The following NRXN3 variants were observed in gnomAD, a reference collection of about 807,000 sequenced individuals.
NRXN3 encodes the protein neurexin 3.
Under a neutral mutation model 137.6 loss-of-function variants are expected in NRXN3, and 32 were observed. The observed-to-expected ratio is 0.23, with a 90% CI of 0.18 to 0.31. The LOEUF (loss-of-function observed/expected upper bound fraction) is 0.31, where lower values mean the gene tolerates loss of function less well. Ranked by LOEUF, NRXN3 falls within the 10% of genes least tolerant of loss-of-function variation. NRXN3 has a pLI of 1.00. For missense variants in NRXN3, 1,574 were observed against 2,062.5 expected (o/e 0.76, Z 4.59); for synonymous variants, 798 against 784.5 (o/e 1.02, Z -0.29).
intron 3 of NRXN3, among the ~76,000 whole-genome samples, chr14:78,295,546 A>T (rs533839364): frequency 5.3e-4 from 81 of 152,294 alleles, no homozygotes; most frequent in African/African-American, 1.9e-3. Flanking sequence ...TAGTGCATTT[A>T]TTATATGATT....
At chr14:79,228,266 C>T (rs901854650) in intron 15 of NRXN3, among the ~76,000 whole-genome samples, 2 of 151,916 alleles carry the variant, frequency 1.3e-5, no homozygotes, top group Non-Finnish European at 2.9e-5. Flanking sequence ...CCTGATAAAG[C>T]TTCCTGTACT....
chr14:78,746,386 T>A (rs1019178711), intron 8 of NRXN3, among the ~76,000 whole-genome samples: 19 of 152,204 alleles, frequency 1.2e-4, no homozygotes, highest in African/African-American at 4.6e-4. Flanking sequence ...AAAAGCATAC[T>A]CTTTCCCTGG....
chr14:79,117,625 C>G (rs145426902), intron 15 of NRXN3, among the ~76,000 whole-genome samples: 1 of 151,994 alleles, frequency 6.6e-6, no homozygotes. Context: ...CAAGTGTGAT[C>G]GGTAGAAGTC....
chr14:79,688,402 T>G (rs2098703638), intron 17 of NRXN3, among the ~76,000 whole-genome samples: 2 of 152,130 alleles, frequency 1.3e-5, no homozygotes, highest in East Asian at 1.9e-4. Flanking sequence ...TTAGTATACC[T>G]TCTAATTAAA....
chr14:79,515,500 G>A (rs1481119756), intron 16 of NRXN3, among the ~76,000 whole-genome samples: 2 of 150,222 alleles, frequency 1.3e-5, no homozygotes, highest in South Asian at 2.1e-4. Flanking sequence ...GAGGCAGGGC[G>A]ACTAGAACTT....
At chr14:79,818,865 A>C (rs930080885) in intron 20 of NRXN3, among the ~76,000 whole-genome samples, 1 of 152,228 alleles carries the variant, frequency 6.6e-6, no homozygotes, top group Non-Finnish European at 1.5e-5. Context: ...TTCCAAGGCA[A>C]GTATGGCCTG....
chr14:79,106,596 A>G (rs1321310552), intron 15 of NRXN3, among the ~76,000 whole-genome samples: 1 of 152,148 alleles, frequency 6.6e-6, no homozygotes, highest in Non-Finnish European at 1.5e-5. Context: ...GATTCTACAT[A>G]ATTACTTCAC....
At chr14:78,581,116 G>A (rs2096990353) in intron 4 of NRXN3, among the ~76,000 whole-genome samples, 1 of 152,140 alleles carries the variant, frequency 6.6e-6, no homozygotes, top group South Asian at 2.1e-4. Flanking sequence ...AAGAAACTGA[G>A]GCTTAGAGAG....
At chr14:79,631,604 A>T (rs1372239830) in intron 16 of NRXN3, among the ~76,000 whole-genome samples, 1 of 152,232 alleles carries the variant, frequency 6.6e-6, no homozygotes, top group Non-Finnish European at 1.5e-5. Flanking sequence ...TGCCCGTGCT[A>T]GGTTCCAAAG....
At chr14:78,666,606 T>G (rs2097888829) in intron 6 of NRXN3, among the ~76,000 whole-genome samples, 1 of 152,170 alleles carries the variant, frequency 6.6e-6, no homozygotes, top group South Asian at 2.1e-4. Context: ...CTTCTTCCTT[T>G]TTGCCCTCAT....
chr14:78,416,403 G>T (rs2093138114), intron 4 of NRXN3, among the ~76,000 whole-genome samples: 1 of 152,050 alleles, frequency 6.6e-6, no homozygotes, highest in African/African-American at 2.4e-5. Context: ...TGTATGCTTT[G>T]TTTTTTTCAC....
intron 15 of NRXN3, among the ~76,000 whole-genome samples, chr14:79,319,519 G>T (rs951402768): frequency 1.3e-5 from 2 of 152,120 alleles, no homozygotes; most frequent in Non-Finnish European, 2.9e-5. Flanking sequence ...ACTGCTTAGC[G>T]GAAGCAGACT....
At chr14:79,767,759 G>T (rs549790461) in intron 19 of NRXN3, among the ~76,000 whole-genome samples, 1 of 152,178 alleles carries the variant, frequency 6.6e-6, no homozygotes, top group Non-Finnish European at 1.5e-5. Context: ...TAGAAATCAG[G>T]GGGGAGGAGC....
intron 8 of NRXN3, among the ~76,000 whole-genome samples, chr14:78,749,971 A>G (rs1297276378): frequency 1.3e-5 from 2 of 152,182 alleles, no homozygotes; most frequent in African/African-American, 2.4e-5. Context: ...ATCAGGCTGC[A>G]TTATTTATTT....
intron 4 of NRXN3, among the ~76,000 whole-genome samples, chr14:78,329,903 A>G (rs551426444): frequency 6.6e-6 from 1 of 152,304 alleles, no homozygotes; most frequent in South Asian, 2.1e-4. Context: ...CTTCACAAGA[A>G]GGAACACTGA....
intron 8 of NRXN3, among the ~76,000 whole-genome samples, chr14:78,732,843 A>T (rs1437163138): frequency 1.3e-5 from 2 of 152,172 alleles, no homozygotes; most frequent in African/African-American, 2.4e-5. Context: ...AGGCCAGAAA[A>T]GGTTAGTGGG....
intron 15 of NRXN3, among the ~76,000 whole-genome samples, chr14:79,226,031 A>T (rs749292635): frequency 1.3e-5 from 2 of 152,088 alleles, no homozygotes; most frequent in Non-Finnish European, 2.9e-5. Flanking sequence ...AACAACCTCA[A>T]TTCCACCTGC....
At chr14:79,660,080 G>C (rs1325448523) in intron 16 of NRXN3, among the ~76,000 whole-genome samples, 1 of 152,064 alleles carries the variant, frequency 6.6e-6, no homozygotes, top group African/African-American at 2.4e-5. Context: ...CAAGTAATTT[G>C]CCCAAGGTCA....
intron 15 of NRXN3, among the ~76,000 whole-genome samples, chr14:79,306,990 G>C (rs561647778): frequency 3.2e-4 from 49 of 152,190 alleles, no homozygotes; most frequent in African/African-American, 1.1e-3. Flanking sequence ...AGGGTCATTC[G>C]AGAAGGGATA....
Sources: allele counts gnomAD v4.1 joint callset (sites outside exome capture counted in the v4.1 genomes callset), GRCh38; gene constraint gnomAD v4.1.1; transcripts MANE v1.5; gene names NCBI Gene and HGNC (gene_info 2026-07-23, HGNC 2026-07-21).